The following LRRTM4 variants were observed in gnomAD, a reference collection of about 807,000 sequenced individuals.
LRRTM4 encodes leucine-rich repeat transmembrane neuronal protein 4.
A neutral mutation model predicts 47.6 loss-of-function variants in LRRTM4; 25 were observed. That is an observed-to-expected ratio of 0.53 (90% confidence interval 0.38 to 0.73). LRRTM4 has a LOEUF of 0.73. LRRTM4 is among the 30% of genes least tolerant of loss of function. The pLI is 0.00. For missense variants in LRRTM4, 638 were observed against 713.4 expected, an observed-to-expected ratio of 0.89 and a Z score of 1.20; for synonymous variants, 311 against 269.5, an observed-to-expected ratio of 1.15 and a Z score of -1.51.
intron 3 of LRRTM4, among the ~76,000 whole-genome samples, chr2:77,244,569 G>C (rs73943638): frequency 0.049 from 7,504 of 152,018 alleles, 631 homozygotes; most frequent in African/African-American, 0.17. Flanking sequence ...TTCAGAAATA[G>C]CCCCCAAGTA....
At chr2:77,152,272 A>G (rs1672449783) in intron 3 of LRRTM4, among the ~76,000 whole-genome samples, 1 of 152,176 alleles carries the variant, frequency 6.6e-6, no homozygotes, top group African/African-American at 2.4e-5. Flanking sequence ...TGTTGGAGCT[A>G]CATTTTCAAG....
At chr2:77,078,054 G>C (rs1238802190) in intron 3 of LRRTM4, among the ~76,000 whole-genome samples, 1 of 152,094 alleles carries the variant, frequency 6.6e-6, no homozygotes, top group Non-Finnish European at 1.5e-5. Flanking sequence ...CTTCCTTTCT[G>C]ACACAGTTGA....
At chr2:77,505,665 A>G (rs978790152) in intron 3 of LRRTM4, among the ~76,000 whole-genome samples, 3 of 151,642 alleles carry the variant, frequency 2.0e-5, no homozygotes, top group Admixed American at 6.6e-5. Flanking sequence ...TGAACTAAAA[A>G]TTTTTAAAAG....
intron 3 of LRRTM4, among the ~76,000 whole-genome samples, chr2:77,490,013 G>A (rs1480054805): frequency 6.6e-6 from 1 of 152,180 alleles, no homozygotes; most frequent in Non-Finnish European, 1.5e-5. Flanking sequence ...ACTTTGGGAG[G>A]CCGAAGTGGG....
chr2:77,243,607 A>C (rs976517501), intron 3 of LRRTM4, among the ~76,000 whole-genome samples: 2 of 151,904 alleles, frequency 1.3e-5, no homozygotes, highest in African/African-American at 4.8e-5. Flanking sequence ...AGTTCTAGAG[A>C]TAGTTGGTAG....
chr2:76,905,886 T>C (rs1220371675), intron 3 of LRRTM4, among the ~76,000 whole-genome samples: 2 of 152,070 alleles, frequency 1.3e-5, no homozygotes, highest in African/African-American at 4.8e-5. Context: ...TACCTGAAAG[T>C]GACAGGGAGA....
chr2:76,889,074 AT>A (rs1673170211), intron 3 of LRRTM4, among the ~76,000 whole-genome samples: 1 of 151,750 alleles, frequency 6.6e-6, no homozygotes, highest in Non-Finnish European at 1.5e-5. Flanking sequence ...TAAAAATCTT[AT>A]CAAAATTGAG....
intron 3 of LRRTM4, among the ~76,000 whole-genome samples, chr2:76,841,837 T>C (rs1317648895): frequency 6.6e-6 from 1 of 152,112 alleles, no homozygotes; most frequent in African/African-American, 2.4e-5. Context: ...ACTAAAGATT[T>C]TTTAAAAAGA....
At chr2:77,479,263 T>C (rs1169041599) in intron 3 of LRRTM4, among the ~76,000 whole-genome samples, 1 of 152,208 alleles carries the variant, frequency 6.6e-6, no homozygotes, top group South Asian at 2.1e-4. Flanking sequence ...CTTGACCTTT[T>C]CATTAGTGCT....
In LRRTM4 at chr2:76,800,027, C is replaced by T. The variant is rs1405408748; in HGVS notation, c.1552-51111G>A. On this transcript the variant is annotated intron_variant, in intron 3 of 3. Transcript: ENST00000409884. ...AATATCGTGAAAATGGTCATACTGC[C>T]CAAGGTAATTTACAGATTCAATGCC... is the stretch of plus-strand genomic sequence containing the variant. 3.3e-5 allele frequency among the ~76,000 whole-genome samples: 5 copies of T among 151,888 alleles called. No homozygotes were observed. The East Asian group carries it at 9.7e-4, about 29-fold the overall frequency.
chr2:77,147,565 C>G (rs1270088235), intron 3 of LRRTM4, among the ~76,000 whole-genome samples: 3 of 152,164 alleles, frequency 2.0e-5, no homozygotes, highest in Non-Finnish European at 4.4e-5. Flanking sequence ...TTTTTCTCTT[C>G]TATACTTCCC....
intron 3 of LRRTM4, among the ~76,000 whole-genome samples, chr2:76,807,407 CGTATAT>C (rs1558667261): frequency 2.0e-4 from 17 of 85,582 alleles, no homozygotes; most frequent in African/African-American, 7.8e-4. Flanking sequence ...TATGTATATA[CGTATAT>C]ATATATATAT....
chr2:77,459,260 G>T (rs12612491), intron 3 of LRRTM4, among the ~76,000 whole-genome samples: 22,533 of 151,870 alleles, frequency 0.15, 1,894 homozygotes, highest in South Asian at 0.31. Context: ...TTGTTATTGT[G>T]CTATTGAGCT....
At chr2:77,312,897 G>A (rs879531620) in intron 3 of LRRTM4, among the ~76,000 whole-genome samples, 4 of 152,108 alleles carry the variant, frequency 2.6e-5, no homozygotes, top group Admixed American at 2.0e-4. Context: ...TAGCACAGAC[G>A]CCTCTTATTT....
At chr2:76,946,361 C>A (rs761645313) in intron 3 of LRRTM4, among the ~76,000 whole-genome samples, 1 of 151,760 alleles carries the variant, frequency 6.6e-6, no homozygotes, top group East Asian at 1.9e-4. Flanking sequence ...TTGCTGACAT[C>A]CCCATTTGCA....
intron 3 of LRRTM4, among the ~76,000 whole-genome samples, chr2:76,930,902 A>T (rs939088682): frequency 2.6e-5 from 4 of 152,232 alleles, no homozygotes; most frequent in Non-Finnish European, 4.4e-5. Flanking sequence ...TACATTCTTT[A>T]TAATTTTCTA....
At chr2:77,071,237 T>C (rs911116365) in intron 3 of LRRTM4, among the ~76,000 whole-genome samples, 4 of 152,164 alleles carry the variant, frequency 2.6e-5, no homozygotes, top group African/African-American at 4.8e-5. Flanking sequence ...ATACAATAAT[T>C]ACATAACTTA....
intron 3 of LRRTM4, among the ~76,000 whole-genome samples, chr2:77,400,122 T>C (rs1673884980): frequency 6.6e-6 from 1 of 151,866 alleles, no homozygotes; most frequent in Non-Finnish European, 1.5e-5. Context: ...GAGATCAACT[T>C]TTTTAGATTC....
intron 3 of LRRTM4, among the ~76,000 whole-genome samples, chr2:76,912,715 T>C (rs1164903945): frequency 6.6e-6 from 1 of 152,196 alleles, no homozygotes; most frequent in Non-Finnish European, 1.5e-5. Context: ...ATGAGGGTTG[T>C]TTCCTATGGT....
Sources: allele counts gnomAD v4.1 joint callset (sites outside exome capture counted in the v4.1 genomes callset), GRCh38; gene constraint gnomAD v4.1.1; transcripts MANE v1.5; gene names NCBI Gene and HGNC (gene_info 2026-07-23, HGNC 2026-07-21).